Variants in GNA13 observed in about 807,000 individuals in gnomAD.
The protein encoded by GNA13 is guanine nucleotide-binding protein subunit alpha-13.
A neutral mutation model predicts 33.5 loss-of-function variants in GNA13; 4 were observed. That is an observed-to-expected ratio of 0.12 (90% CI 0.06 to 0.27). The LOEUF is 0.27. Ranked by LOEUF, GNA13 falls within the 10% of genes least tolerant of loss-of-function variation. The probability of loss-of-function intolerance (pLI) is 1.00; values close to 1 mark genes in which losing one functional copy is unlikely to be tolerated. For synonymous variants in GNA13, 176 were observed against 183.8 expected, an observed-to-expected ratio of 0.96 and a Z score of 0.34; for missense variants, 319 against 487.2, an observed-to-expected ratio of 0.65 and a Z score of 3.25.
chr17:65,056,251 A>ACCCC, intron 1 of GNA13, 60 bp downstream of exon 1: 4 of 740,726 alleles, frequency 5.4e-6, no homozygotes, highest in African/African-American at 1.9e-5. Flanking sequence ...CCCGCCCCGC[A>ACCCC]CCCGCCGCCG....
chr17:65,056,239 G>GCCCGGCCCCCCCCCCCCCCCCCCCC, intron 1 of GNA13, 72 bp downstream of exon 1: 189 of 936,080 alleles, frequency 2.0e-4, no homozygotes, highest in East Asian at 4.2e-4. Context: ...CCAGGGCGGT[G>GCCCGGCCCCCCCCCCCCCCCCCCCC]CCCCGCCCCG....
chr17:65,026,865 G>A (rs1285885151), intron 2 of GNA13, among the ~76,000 whole-genome samples: 1 of 152,124 alleles, frequency 6.6e-6, no homozygotes, highest in Non-Finnish European at 1.5e-5. Context: ...CACAACCTCC[G>A]CCTCCCAGGT....
chr17:65,031,921 A>AGAGAGTGTGTGTGTGT (rs770161529), intron 2 of GNA13, among the ~76,000 whole-genome samples: 5 of 91,712 alleles, frequency 5.5e-5, no homozygotes, highest in South Asian at 3.2e-4. Flanking sequence ...AGAGAGAGAG[A>AGAGAGTGTGTGTGTGT]GTGTGTGTGT....
chr17:65,040,488 G>A (rs1443173440), intron 2 of GNA13, among the ~76,000 whole-genome samples: 1 of 152,104 alleles, frequency 6.6e-6, no homozygotes, highest in Non-Finnish European at 1.5e-5. Flanking sequence ...TTGCAACTTT[G>A]TGAACATACA....
chr17:65,013,461 A>G lies in GNA13; in HGVS notation c.*796T>C, dbSNP rs1906260904. ...TTGCTTGCAGTTTTTAGTTGCTGCT[A>G]TGGCCAGAATGTTTCACATATGGTA... On this transcript the variant is annotated 3_prime_UTR_variant, in exon 4 of 4. Transcript: ENST00000439174. 4.8e-6 allele frequency: 1 copy of G among 210,126 alleles called. No individual in the cohort carries two copies. Among genetic ancestry groups the G allele is most frequent in the Non-Finnish European group, 9.7e-6 (1 of 103,262 alleles). 13.0% of individuals were successfully genotyped at this position (210,126 alleles called of 1,614,324 possible). A position where few individuals can be genotyped will look rare whatever the true frequency, so the allele number is the denominator to read the frequency against.
intron 2 of GNA13, among the ~76,000 whole-genome samples, chr17:65,050,471 A>G (rs1907823050): frequency 6.6e-6 from 1 of 152,234 alleles, no homozygotes; most frequent in African/African-American, 2.4e-5. Flanking sequence ...GTTCATGCCT[A>G]TAATCCCAAC....
At chr17:65,035,364 A>G (rs924892812) in intron 2 of GNA13, among the ~76,000 whole-genome samples, 3 of 152,194 alleles carry the variant, frequency 2.0e-5, no homozygotes, top group African/African-American at 2.4e-5. Context: ...TCATGATGCA[A>G]CATTAAATGA....
Position 65,018,144 on chromosome 17 carries a change from G to GAA in GNA13, c.561+107_561+108dup, listed in dbSNP as rs1906450945. 50 of 138,008 alleles carry GAA rather than the reference G, an allele frequency of 3.6e-4. 4 individuals carry two copies. The highest frequency in any genetic ancestry group is 6.5e-4 in the East Asian group (3 of 4,616). The allele number at this position is 138,008 out of a possible 1,614,324, so 8.5% of individuals were successfully genotyped here. On this transcript the variant is annotated intron_variant, in intron 3 of 3. Transcript: ENST00000439174. ...AAAAAAAAAAAAAAAAAAAAAGAGA[G>GAA]AAAGAAGCAAATAGCTTAATACATA...
rs913418176 is a variant in GNA13, at chr17:65,014,907, G to C, written c.562-78C>G. ...TTTTAATGGACTACTAACTGGACTA[G>C]TGAATAGATATGCAAACAAAATGAT... On this transcript the variant is annotated intron_variant, in intron 3 of 3. Transcript: ENST00000439174. This position sits in a 1 kb window ranked among gnomAD's most constrained non-coding sequence, Gnocchi z 5.3. 13 of 762,802 alleles carry C rather than the reference G, an allele frequency of 1.7e-5. No individual in the cohort carries two copies. The African/African-American group carries it at 2.3e-4, about 13-fold the overall frequency. 47.3% of individuals were successfully genotyped at this position (762,802 alleles called of 1,614,324 possible).
rs1906769541 is a variant in GNA13 at position 65,026,024 on chromosome 17, A to ATGT, written c.511-7722_511-7721insACA. Among the ~76,000 whole-genome samples, 22 of 152,064 alleles carry ATGT rather than the reference A, an allele frequency of 1.4e-4. No homozygotes were observed. In the South Asian group the frequency reaches 4.6e-3, roughly 32 times the overall value. On this transcript the variant is annotated intron_variant, in intron 2 of 3. Coordinates refer to ENST00000439174, the MANE Select transcript of GNA13 (RefSeq NM_006572.6). ...TGAAAACAGCAGATAAGACACAACAAAAAAAATTATAAGTAATGTATAAGG... is the reference window on the plus strand; with the variant it reads ...TGAAAACAGCAGATAAGACACAACAATGTAAAAAATTATAAGTAATGTATAAGG...
chr17:65,020,242 T>C (rs531201037), intron 2 of GNA13, among the ~76,000 whole-genome samples: 7 of 152,204 alleles, frequency 4.6e-5, no homozygotes, highest in African/African-American at 9.6e-5. Flanking sequence ...AGTCTTCTTG[T>C]TTTCTAATAT....
Position 65,011,384 on chromosome 17 carries a change from C to T in GNA13, c.*2873G>A. Reference sequence around the variant, plus strand: ...TGCTTTCTTTGGTTGCAGAGCAATCCAGTGCCCTTTCCAGATAATAAAATT... The same window carrying T: ...TGCTTTCTTTGGTTGCAGAGCAATCTAGTGCCCTTTCCAGATAATAAAATT... On this transcript the variant is annotated 3_prime_UTR_variant, in exon 4 of 4. Transcript: ENST00000439174. 5.1e-6 allele frequency: 1 copy of T among 196,674 alleles called. No homozygotes were observed. The highest frequency in any genetic ancestry group is 1.1e-5 in the Non-Finnish European group (1 of 94,718). 12.2% of individuals were successfully genotyped at this position (196,674 alleles called of 1,614,324 possible). A position where few individuals can be genotyped will look rare whatever the true frequency, so the allele number is the denominator to read the frequency against.
At chr17:65,031,016 A>C (rs1371631868) in intron 2 of GNA13, among the ~76,000 whole-genome samples, 1 of 152,242 alleles carries the variant, frequency 6.6e-6, no homozygotes, top group African/African-American at 2.4e-5. Context: ...ACCTAAGTAT[A>C]CATGTGATTC....
chr17:65,056,620 G>T lies in GNA13; in HGVS notation c.-27C>A. 1 of 1,591,354 alleles carries T rather than the reference G, an allele frequency of 6.3e-7. No homozygotes were observed. On this transcript the variant is annotated 5_prime_UTR_variant, in exon 1 of 4. Transcript: ENST00000439174. Reference sequence around the variant, plus strand: ...TTGCCGCCGCCGCCGCCGCCTCGGCGGGCCCCTCCGGCTCCCTCCACCTCC... The same window carrying T: ...TTGCCGCCGCCGCCGCCGCCTCGGCTGGCCCCTCCGGCTCCCTCCACCTCC...
chr17:65,037,875 T>C (rs1416159907), intron 2 of GNA13, among the ~76,000 whole-genome samples: 2 of 147,316 alleles, frequency 1.4e-5, no homozygotes, highest in African/African-American at 5.0e-5. Context: ...TCAGAAAAAT[T>C]ATACTCAGTA....
intron 2 of GNA13, among the ~76,000 whole-genome samples, chr17:65,028,332 C>G (rs899270426): frequency 2.0e-5 from 3 of 151,484 alleles, no homozygotes; most frequent in African/African-American, 7.3e-5. Context: ...CTGCTTGAAT[C>G]CGGGAGGCAG....
chr17:65,024,725 C>G (rs2143784461), intron 2 of GNA13, among the ~76,000 whole-genome samples: 1 of 152,316 alleles, frequency 6.6e-6, no homozygotes, highest in East Asian at 1.9e-4. Context: ...CTGATGTAGC[C>G]AGCCCTCGCA....
rs918811802 is a variant in GNA13 at position 65,055,658 on chromosome 17, T to G, written c.283+653A>C. ...TTTCATGCTAACTGTATGGGTCCACTCTCTCCTGATTCCAGTACAGTCAAC... is the reference window on the plus strand; with the variant it reads ...TTTCATGCTAACTGTATGGGTCCACGCTCTCCTGATTCCAGTACAGTCAAC... On this transcript the variant is annotated intron_variant, in intron 1 of 3. Coordinates refer to ENST00000439174, the MANE Select transcript of GNA13 (RefSeq NM_006572.6). The G allele has an allele frequency of 1.1e-5, 11 of 985,124 alleles. No individual in the cohort carries two copies. In the African/African-American group the frequency reaches 1.9e-4, roughly 17 times the overall value. 61.0% of individuals were successfully genotyped at this position (985,124 alleles called of 1,614,324 possible). A position where few individuals can be genotyped will look rare whatever the true frequency, so the allele number is the denominator to read the frequency against.
intron 2 of GNA13, among the ~76,000 whole-genome samples, chr17:65,040,586 C>T (rs1390231436): frequency 6.6e-6 from 1 of 152,134 alleles, no homozygotes; most frequent in Admixed American, 6.5e-5. Context: ...CTCACCGCAA[C>T]CTCCAACTCC....
Sources: allele counts gnomAD v4.1 joint callset (sites outside exome capture counted in the v4.1 genomes callset), GRCh38; gene constraint gnomAD v4.1.1; non-coding constraint Gnocchi (gnomAD v3.1); transcripts MANE v1.5; gene names NCBI Gene and HGNC (gene_info 2026-07-23, HGNC 2026-07-21).